The following LAMB1 variants were observed in gnomAD, a reference collection of about 807,000 sequenced individuals.
LAMB1 encodes laminin subunit beta-1.
In LAMB1, 121 loss-of-function variants were observed where a neutral mutation model predicts 222.3. That is an observed-to-expected ratio of 0.54 (90% confidence interval 0.47 to 0.63). LAMB1 has a LOEUF of 0.63. Ranked by LOEUF, LAMB1 falls within the 30% of genes least tolerant of loss-of-function variation. The pLI is 0.00. For synonymous variants in LAMB1, 794 were observed against 807.2 expected (o/e 0.98, Z 0.28); for missense variants, 2,172 against 2,240.8 (o/e 0.97, Z 0.62).
chr7:107,994,286 T>C (rs115637974), intron 5 of LAMB1, among the ~76,000 whole-genome samples: 2,551 of 152,264 alleles, frequency 0.017, 88 homozygotes, highest in African/African-American at 0.058. Context: ...AGAAAAATGA[T>C]GAGAAAATCC....
intron 24 of LAMB1, among the ~76,000 whole-genome samples, chr7:107,947,745 C>T (rs966795070): frequency 3.9e-5 from 6 of 152,070 alleles, no homozygotes; most frequent in Non-Finnish European, 8.8e-5. Flanking sequence ...ATTGAGGATC[C>T]GACACATTCT....
intron 17 of LAMB1, 87 bp from the exon 18 acceptor site, chr7:107,960,736 T>G: frequency 9.5e-7 from 1 of 1,056,466 alleles, no homozygotes; most frequent in Non-Finnish European, 1.4e-6. Flanking sequence ...AAAACCCAAA[T>G]GCTTCTTTGA....
intron 31 of LAMB1, among the ~76,000 whole-genome samples, chr7:107,928,199 C>A (rs1431765205): frequency 1.3e-5 from 2 of 152,274 alleles, no homozygotes; most frequent in African/African-American, 4.8e-5. Flanking sequence ...CTTTTAATAT[C>A]TGGTAGTCAC....
intron 13 of LAMB1, among the ~76,000 whole-genome samples, chr7:107,968,349 G>A (rs1392185721): frequency 1.3e-5 from 2 of 152,056 alleles, no homozygotes; most frequent in African/African-American, 4.8e-5. Context: ...AATCAGTAAG[G>A]GAGAATAAGG....
At chr7:107,993,038 C>T (rs911311620) in intron 5 of LAMB1, among the ~76,000 whole-genome samples, 1 of 152,310 alleles carries the variant, frequency 6.6e-6, no homozygotes, top group East Asian at 1.9e-4. Context: ...GGCAGGGATT[C>T]ACACCCAATG....
At position 107,959,341 on chromosome 7, in the gene LAMB1, GGGCT is replaced by G; in HGVS notation, c.2594_2597del (p.Gln865ProfsTer14). The G allele has an allele frequency of 6.2e-7, 1 of 1,614,242 alleles. No individual in the cohort carries two copies. The highest frequency in any genetic ancestry group is 2.2e-5 in the East Asian group (1 of 44,892). ...CATCGGCGTGGCCATTGCACTGGCAGGGCTGGCAACTTGGAAAGCCCCAGTGCCC... is the reference window on the plus strand; with the variant it reads ...CATCGGCGTGGCCATTGCACTGGCAGGGCAACTTGGAAAGCCCCAGTGCCC... On this transcript the variant is annotated frameshift_variant, in exon 20 of 34. Coordinates refer to ENST00000222399, the MANE Select transcript of LAMB1 (RefSeq NM_002291.3). LOFTEE classifies it high-confidence loss of function.
chr7:107,992,135 G>A (rs2034195875), intron 5 of LAMB1, among the ~76,000 whole-genome samples: 1 of 152,122 alleles, frequency 6.6e-6, no homozygotes, highest in Admixed American at 6.6e-5. Flanking sequence ...CTTGCTCTCA[G>A]ACTGTTTCCC....
chr7:107,977,901 T>C, intron 9 of LAMB1, 146 bp downstream of exon 9: 1 of 787,138 alleles, frequency 1.3e-6, no homozygotes. Context: ...AGATTGTTGG[T>C]TGTCTAGGAG....
intron 25 of LAMB1, among the ~76,000 whole-genome samples, chr7:107,938,989 T>C (rs1379581497): frequency 6.6e-6 from 1 of 152,184 alleles, no homozygotes; most frequent in African/African-American, 2.4e-5. Context: ...TTCTTAAAGG[T>C]GCTGATTAAA....
chr7:107,996,001 TAAAAG>T (rs1008640715), intron 4 of LAMB1, among the ~76,000 whole-genome samples: 1 of 152,114 alleles, frequency 6.6e-6, no homozygotes, highest in Admixed American at 6.5e-5. Flanking sequence ...GCTGGAATGT[TAAAAG>T]AAAAACATTA....
intron 4 of LAMB1, among the ~76,000 whole-genome samples, chr7:107,997,139 G>A (rs895355914): frequency 1.3e-5 from 2 of 152,130 alleles, no homozygotes; most frequent in African/African-American, 2.4e-5. Context: ...TTTAACAGTC[G>A]ATGGCTGGGC....
chr7:107,933,882 G>C (rs1314555821), intron 27 of LAMB1, among the ~76,000 whole-genome samples: 1 of 152,132 alleles, frequency 6.6e-6, no homozygotes, highest in Non-Finnish European at 1.5e-5. Flanking sequence ...CACCGCCCAT[G>C]CATCTCCCTG....
intron 5 of LAMB1, among the ~76,000 whole-genome samples, chr7:107,991,074 G>T (rs1428770870): frequency 1.3e-5 from 2 of 151,388 alleles, no homozygotes; most frequent in African/African-American, 4.9e-5. Flanking sequence ...ATTTTTTTTT[G>T]GTATTAATTT....
At chr7:107,926,115 A>G in intron 32 of LAMB1, 68 bp downstream of exon 32, 1 of 1,241,920 alleles carries the variant, frequency 8.1e-7, no homozygotes, top group Admixed American at 1.8e-5. Flanking sequence ...CCTTACTCTA[A>G]GGCAGGCAAG....
chr7:107,943,222 A>G (rs1017754955), intron 24 of LAMB1, among the ~76,000 whole-genome samples: 1 of 152,232 alleles, frequency 6.6e-6, no homozygotes, highest in Non-Finnish European at 1.5e-5. Flanking sequence ...AAGTGTCAGC[A>G]TATTACAGAC....
intron 4 of LAMB1, among the ~76,000 whole-genome samples, chr7:107,997,157 T>C (rs568466284): frequency 4.6e-5 from 7 of 152,162 alleles, no homozygotes; most frequent in Non-Finnish European, 7.4e-5. Context: ...GGCGTGGTGG[T>C]TCACACCTGT....
chr7:107,972,034 T>G (rs748559161), intron 13 of LAMB1, among the ~76,000 whole-genome samples: 1 of 152,216 alleles, frequency 6.6e-6, no homozygotes, highest in African/African-American at 2.4e-5. Context: ...CATTCTGTCT[T>G]TCTTCCCTGC....
rs147368503 is a variant in LAMB1, at chr7:107,964,626, C to T, written c.1624G>A (p.Glu542Lys). ...GCAAAGTAGTAACCAGGTTCCACTT[C>T]GTTGCACTGACGTCCAATCATGTGA... is the stretch of plus-strand genomic sequence containing the variant. Reference protein sequence around the residue: ...RPHMIGRQCNEVEPGYYFATL... With the variant: ...RPHMIGRQCNKVEPGYYFATL... Residue 542 changes from glutamate to lysine, a missense_variant, in exon 14 of 34, where the codon GAA becomes AAA. Transcript: ENST00000222399. 8.4e-5 allele frequency: 135 copies of T among 1,614,050 alleles called. No individual in the cohort carries two copies. The highest frequency in any genetic ancestry group is 3.3e-4 in the African/African-American group (25 of 74,924).
intron 22 of LAMB1, among the ~76,000 whole-genome samples, chr7:107,952,850 A>G (rs1327885640): frequency 6.6e-6 from 1 of 152,224 alleles, no homozygotes; most frequent in Non-Finnish European, 1.5e-5. Flanking sequence ...TATTCCATCA[A>G]TGCCACTAGA....
Sources: allele counts gnomAD v4.1 joint callset (sites outside exome capture counted in the v4.1 genomes callset), GRCh38; gene constraint gnomAD v4.1.1; transcripts MANE v1.5; gene names NCBI Gene and HGNC (gene_info 2026-07-23, HGNC 2026-07-21).